PPFIBP2: variants seen among roughly 807,000 people sequenced by gnomAD.
The protein encoded by PPFIBP2 is liprin-beta-2.
A neutral mutation model predicts 118.3 loss-of-function variants in PPFIBP2; 118 were observed. The observed-to-expected ratio is 1.00, with a 90% CI of 0.86 to 1.16. The LOEUF is 1.16. Ranked by LOEUF, PPFIBP2 falls within the 50% of genes most tolerant of loss-of-function variation. PPFIBP2 has a pLI of 0.00. For synonymous variants in PPFIBP2, 414 were observed against 397.4 expected (o/e 1.04, Z -0.50); for missense variants, 1,195 against 1,073.1 (o/e 1.11, Z -1.59).
In PPFIBP2 at chr11:7,514,436, G is replaced by A. The variant is rs982969650; in HGVS notation, c.-37+315G>A. On this transcript the variant is annotated intron_variant, in intron 1 of 23. Transcript: ENST00000299492. Reference sequence around the variant, plus strand: ...CGTGGCCCTGGAGATGCGCAGGGAGGTGGGGTCCCTGAGTTCTGTGCGGCG... The same window carrying A: ...CGTGGCCCTGGAGATGCGCAGGGAGATGGGGTCCCTGAGTTCTGTGCGGCG... Among the ~76,000 whole-genome samples, 5 of 152,212 alleles carry A rather than the reference G, an allele frequency of 3.3e-5. No individual in the cohort carries two copies. The South Asian group carries it at 8.3e-4, about 25-fold the overall frequency.
intron 3 of PPFIBP2, among the ~76,000 whole-genome samples, chr11:7,585,731 C>T (rs1252393949): frequency 6.6e-6 from 1 of 152,154 alleles, no homozygotes; most frequent in Non-Finnish European, 1.5e-5. Flanking sequence ...AAGGGCTAGG[C>T]CAGGAGAGAG....
chr11:7,536,198 C>T (rs1851197028), intron 1 of PPFIBP2, among the ~76,000 whole-genome samples: 1 of 152,152 alleles, frequency 6.6e-6, no homozygotes, highest in Admixed American at 6.5e-5. Context: ...CGAGGCAGTC[C>T]AACCCCAGCC....
intron 2 of PPFIBP2, among the ~76,000 whole-genome samples, chr11:7,557,604 C>T (rs1853789059): frequency 6.6e-6 from 1 of 151,520 alleles, no homozygotes; most frequent in Non-Finnish European, 1.5e-5. Flanking sequence ...CAATTCTCAG[C>T]CTCCTGAGTA....
At chr11:7,628,001 G>T (rs530398139) in intron 8 of PPFIBP2, among the ~76,000 whole-genome samples, 2 of 152,284 alleles carry the variant, frequency 1.3e-5, no homozygotes, top group Non-Finnish European at 2.9e-5. Flanking sequence ...TGTTGGTTTT[G>T]AAAGATTTTT....
chr11:7,627,846 C>T (rs1441878134), intron 8 of PPFIBP2, among the ~76,000 whole-genome samples: 2 of 152,208 alleles, frequency 1.3e-5, no homozygotes, highest in Admixed American at 6.5e-5. Flanking sequence ...TCCCAGTCTT[C>T]ACTCAACTGT....
chr11:7,545,036 C>T (rs1292329671), intron 1 of PPFIBP2, among the ~76,000 whole-genome samples: 2 of 152,150 alleles, frequency 1.3e-5, no homozygotes, highest in African/African-American at 4.8e-5. Flanking sequence ...ATGTTTACCT[C>T]TGAGACCTGT....
intron 7 of PPFIBP2, among the ~76,000 whole-genome samples, chr11:7,621,954 G>A (rs997067663): frequency 6.6e-6 from 1 of 152,168 alleles, no homozygotes; most frequent in Non-Finnish European, 1.5e-5. Context: ...GGAATAAAAA[G>A]CACTCATACC....
At chr11:7,644,622 G>A (rs1250049241) in intron 17 of PPFIBP2, among the ~76,000 whole-genome samples, 1 of 152,140 alleles carries the variant, frequency 6.6e-6, no homozygotes, top group Non-Finnish European at 1.5e-5. Context: ...CATCATGAAT[G>A]TAAAGATGCT....
chr11:7,611,875 G>T (rs571721203), intron 6 of PPFIBP2, among the ~76,000 whole-genome samples: 16 of 152,338 alleles, frequency 1.1e-4, no homozygotes, highest in African/African-American at 3.8e-4. Context: ...AAGCTAATCT[G>T]TGTGAAGTGC....
chr11:7,596,985 T>G (rs1860442492), intron 4 of PPFIBP2, among the ~76,000 whole-genome samples: 1 of 152,204 alleles, frequency 6.6e-6, no homozygotes, highest in Non-Finnish European at 1.5e-5. Context: ...TATTTATGAC[T>G]TAGAGTCATG....
At chr11:7,639,328 A>G (rs181359359) in intron 14 of PPFIBP2, among the ~76,000 whole-genome samples, 7 of 152,358 alleles carry the variant, frequency 4.6e-5, no homozygotes, top group Non-Finnish European at 7.3e-5. Context: ...GTATGTATGT[A>G]TGATAAAACA....
Position 7,551,027 on chromosome 11 carries a change from TTATATC to T in PPFIBP2, c.64+1499_64+1504del, listed in dbSNP as rs1191209778. On this transcript the variant is annotated intron_variant, in intron 2 of 23. Coordinates refer to ENST00000299492, the MANE Select transcript of PPFIBP2 (RefSeq NM_003621.5). Reference sequence around the variant, plus strand: ...TTAATAGTACTTAATAAACTCCCCTTTATATCTATATCTATAGATATAGATATCTAT... The same window carrying T: ...TTAATAGTACTTAATAAACTCCCCTTTATATCTATAGATATAGATATCTAT... Among the ~76,000 whole-genome samples the T allele has an allele frequency of 1.2e-4, 18 of 152,102 alleles. No individual in the cohort carries two copies. The South Asian group carries it at 3.1e-3, about 26-fold the overall frequency.
chr11:7,532,581 C>T (rs1240062771), intron 1 of PPFIBP2, among the ~76,000 whole-genome samples: 1 of 152,220 alleles, frequency 6.6e-6, no homozygotes, highest in East Asian at 1.9e-4. Flanking sequence ...TAGTCAGGCT[C>T]TCTGGCAGCA....
At chr11:7,529,302 G>A (rs935824207) in intron 1 of PPFIBP2, among the ~76,000 whole-genome samples, 5 of 152,218 alleles carry the variant, frequency 3.3e-5, no homozygotes, top group African/African-American at 1.2e-4. Context: ...CCAAGTGACA[G>A]CTGAATGGGA....
intron 2 of PPFIBP2, among the ~76,000 whole-genome samples, chr11:7,562,524 C>A (rs888028103): frequency 6.6e-6 from 1 of 152,170 alleles, no homozygotes; most frequent in Non-Finnish European, 1.5e-5. Context: ...TGACACAGAG[C>A]AACCGTGATA....
At chr11:7,524,102 CTG>C (rs1254193265) in intron 1 of PPFIBP2, among the ~76,000 whole-genome samples, 1 of 151,800 alleles carries the variant, frequency 6.6e-6, no homozygotes, top group East Asian at 1.9e-4. Context: ...GTTGACAACT[CTG>C]TGTGTGTGTC....
chr11:7,664,298 C>T, the PPFIBP2 span, among the ~76,000 whole-genome samples: 1 of 152,134 alleles, frequency 6.6e-6, no homozygotes, highest in Non-Finnish European at 1.5e-5. Flanking sequence ...AAGGGCATTC[C>T]AGGTAGACAG....
chr11:7,632,797 CAG>C (rs1565094491), intron 11 of PPFIBP2, 68 bp from the exon 12 acceptor site: 3 of 1,230,510 alleles, frequency 2.4e-6, no homozygotes, highest in East Asian at 2.3e-5. Flanking sequence ...TCATGTGAAG[CAG>C]GGGGAAAGAT....
At chr11:7,653,870 C>A, downstream of PPFIBP2, 1 of 1,027,902 alleles carries the variant, frequency 9.7e-7, no homozygotes, top group Non-Finnish European at 1.2e-6. Context: ...GCCTAGTCCT[C>A]AGCCAGGTGC....
Sources: gnomAD v4.1 joint callset for allele counts (sites outside exome capture counted in the v4.1 genomes callset) on GRCh38, gnomAD v4.1.1 for gene constraint, MANE v1.5 for transcripts, NCBI Gene and HGNC (gene_info 2026-07-23, HGNC 2026-07-21) for gene names.